The following AFDN variants were observed in gnomAD, a reference collection of about 807,000 sequenced individuals.
AFDN encodes the protein afadin.
Under a neutral mutation model 216.6 loss-of-function variants are expected in AFDN, and 68 were observed. That is an observed-to-expected ratio of 0.31 (90% confidence interval 0.26 to 0.38). AFDN has a LOEUF of 0.38. Among genes scored for constraint, AFDN ranks in the 10% least tolerant of loss-of-function variants. The probability of loss-of-function intolerance (pLI) is 1.00; values close to 1 mark genes in which losing one functional copy is unlikely to be tolerated. For missense variants in AFDN, 2,136 were observed against 2,342.0 expected, an observed-to-expected ratio of 0.91 and a Z score of 1.82; for synonymous variants, 868 against 853.7, an observed-to-expected ratio of 1.02 and a Z score of -0.29.
chr6:167,891,402 GGGGTGGGTGTGT>G (rs1787556436), intron 8 of AFDN, among the ~76,000 whole-genome samples: 1 of 101,382 alleles, frequency 9.9e-6, no homozygotes, highest in African/African-American at 3.6e-5. Flanking sequence ...ATTTCATAAA[GGGGTGGGTGTGT>G]GTGTGTGTGT....
chr6:167,969,879 A>G lies in AFDN; in HGVS notation c.5440A>G (p.Lys1814Glu), dbSNP rs1797907735. ...TTCACAAGGTCAAGATGTATCCAAT[A>G]AAGTGAAAGCTTCTCGTAAATTAAC... ...LFSQGQDVSN[K>E]VKASRKLTEL... The change falls in exon 34 of 34, where the codon AAA (lysine) becomes GAA (glutamate). Residue 1814 changes from lysine to glutamate, a missense_variant. Physicochemically the swap from Lys to Glu is moderately conservative, Grantham distance 56. Around this residue, in one of 8 missense-constraint regions of AFDN, gnomAD observed 981 missense variants for 966.0 expected, o/e 1.02. Coordinates refer to ENST00000683244, the MANE Select transcript of AFDN (RefSeq NM_001386888.1). 3.7e-6 allele frequency: 6 copies of G among 1,612,686 alleles called. No individual in the cohort carries two copies. Among genetic ancestry groups the G allele is most frequent in the Non-Finnish European group, 5.1e-6 (6 of 1,179,554 alleles).
chr6:167,947,989 C>T (rs2128662378), intron 28 of AFDN, 45 bp downstream of exon 28: 1 of 1,421,232 alleles, frequency 7.0e-7, no homozygotes, highest in Non-Finnish European at 9.9e-7. Context: ...CATTTCCATC[C>T]TTAGGGTTCC....
At chr6:167,837,885 A>G (rs1489487271) in intron 1 of AFDN, among the ~76,000 whole-genome samples, 1 of 152,184 alleles carries the variant, frequency 6.6e-6, no homozygotes. Context: ...CAAGTAGAAA[A>G]TTTGGAATGT....
In AFDN at chr6:167,889,245, G is replaced by C; in HGVS notation, c.928G>C (p.Asp310His). Residue 310 changes from aspartate (D) to histidine (H), a missense_variant, in exon 7 of 34, where the codon GAT (aspartate) becomes CAT (histidine). Asp to His is a moderately conservative substitution (Grantham distance 81). Around this residue, in one of 8 missense-constraint regions of AFDN, gnomAD observed 817 missense variants for 965.7 expected, o/e 0.85. Transcript: ENST00000683244. ...GCTTCCTCCTGGAGCCCAGCATTCT[G>C]ATGAAAAGGGTGCTAAAGAAATTAT... ...VMLPPGAQHSDEKGAKEIILD... is the reference protein window; with the variant it reads ...VMLPPGAQHSHEKGAKEIILD... 6.2e-7 allele frequency: 1 copy of C among 1,613,944 alleles called. No homozygotes were observed. Among genetic ancestry groups the C allele is most frequent in the Non-Finnish European group, 8.5e-7 (1 of 1,179,926 alleles).
intron 12 of AFDN, among the ~76,000 whole-genome samples, chr6:167,905,978 G>A (rs1045273186): frequency 1.5e-4 from 23 of 152,122 alleles, no homozygotes; most frequent in Admixed American, 1.2e-3. Context: ...GGTGGCGGGC[G>A]CCTGTAGCCC....
chr6:167,917,970 A>G (rs1791309763), intron 20 of AFDN, among the ~76,000 whole-genome samples: 1 of 152,242 alleles, frequency 6.6e-6, no homozygotes, highest in South Asian at 2.1e-4. Context: ...ATATGCTTCT[A>G]TCTGTGTACA....
In AFDN at chr6:167,911,469, A is replaced by C. The variant is rs1200254399; in HGVS notation, c.2017A>C (p.Met673Leu). 1 of 1,614,068 alleles carries C rather than the reference A, an allele frequency of 6.2e-7. No individual in the cohort carries two copies. The highest frequency in any genetic ancestry group is 1.3e-5 in the African/African-American group (1 of 74,936). The part of the protein sequence containing the change: ...VIAVVNKMVS[M>L]MEGVIQEVDQ... Reference sequence around the variant, plus strand: ...TGCAGTCGTCAACAAGATGGTGAGCATGATGGAGGGTGTCATCCAGGTACG... The same window carrying C: ...TGCAGTCGTCAACAAGATGGTGAGCCTGATGGAGGGTGTCATCCAGGTACG... Residue 673 changes from methionine (M) to leucine (L), a missense_variant, in exon 15 of 34, where the codon ATG becomes CTG. Physicochemically the swap from Met to Leu is conservative, Grantham distance 15. Transcript: ENST00000683244.
chr6:167,835,195 G>A (rs1226767540), intron 1 of AFDN, among the ~76,000 whole-genome samples: 1 of 152,144 alleles, frequency 6.6e-6, no homozygotes, highest in Non-Finnish European at 1.5e-5. Context: ...TAAGTATAGG[G>A]AAGCTCTCAA....
chr6:167,860,935 C>T (rs1200878745), intron 1 of AFDN, among the ~76,000 whole-genome samples: 1 of 152,174 alleles, frequency 6.6e-6, no homozygotes, highest in Non-Finnish European at 1.5e-5. Flanking sequence ...GTTGTAAGAT[C>T]AGAGAAAAAT....
intron 1 of AFDN, among the ~76,000 whole-genome samples, chr6:167,842,725 A>G (rs1781211130): frequency 6.6e-6 from 1 of 152,168 alleles, no homozygotes; most frequent in Non-Finnish European, 1.5e-5. Flanking sequence ...GCATATTTCT[A>G]GGTGAAGTAA....
upstream of AFDN, chr6:167,826,752 G>A (rs1329438093): frequency 1.6e-5 from 6 of 367,846 alleles, no homozygotes; most frequent in South Asian, 1.2e-4. Context: ...CCCGCCCTCC[G>A]ACACCTCCCT....
intron 26 of AFDN, 65 bp from the exon 27 acceptor site, chr6:167,946,642 T>C: frequency 7.1e-7 from 1 of 1,400,562 alleles, no homozygotes; most frequent in Non-Finnish European, 1.0e-6. Context: ...TCTTATGGAA[T>C]TTTAATGATA....
intron 21 of AFDN, among the ~76,000 whole-genome samples, chr6:167,922,299 A>C (rs1469186020): frequency 6.6e-6 from 1 of 152,208 alleles, no homozygotes; most frequent in East Asian, 1.9e-4. Context: ...AATGATTCTG[A>C]ACTTTATTTG....
At chr6:167,862,956 A>G (rs559793573) in intron 1 of AFDN, among the ~76,000 whole-genome samples, 1 of 152,156 alleles carries the variant, frequency 6.6e-6, no homozygotes, top group Non-Finnish European at 1.5e-5. Flanking sequence ...TTCTCTTGGT[A>G]TAGTGGGTAA....
rs1173480309 is a variant in AFDN, at chr6:167,968,069, G to T, written c.5258-1045G>T. On this transcript the variant is annotated intron_variant, in intron 32 of 33. Coordinates refer to ENST00000683244, the MANE Select transcript of AFDN (RefSeq NM_001386888.1). ...GTATTTGATACTCTTAAGTCTAAAA[G>T]TTCCGAAAATTCAGAAGAATTAGTT... Among the ~76,000 whole-genome samples, 6 of 152,262 alleles carry T rather than the reference G, an allele frequency of 3.9e-5. No homozygotes were observed. The East Asian group carries it at 1.2e-3, about 29-fold the overall frequency.
chr6:167,937,238 C>T (rs2300797), intron 23 of AFDN, among the ~76,000 whole-genome samples: 44,404 of 152,070 alleles, frequency 0.29, 7,364 homozygotes, highest in East Asian at 0.6. Context: ...TATCTAGATC[C>T]GTATTCTTTA....
At chr6:167,937,649 GA>G (rs1236381257) in intron 23 of AFDN, among the ~76,000 whole-genome samples, 3 of 152,200 alleles carry the variant, frequency 2.0e-5, no homozygotes, top group African/African-American at 7.2e-5. Context: ...TTAGAATTCA[GA>G]TAAATTCTGA....
At chr6:167,830,059 ATGCTAAGC>A (rs1779655436) in intron 1 of AFDN, among the ~76,000 whole-genome samples, 2 of 152,230 alleles carry the variant, frequency 1.3e-5, no homozygotes, top group African/African-American at 4.8e-5. Flanking sequence ...CAGGAGATTG[ATGCTAAGC>A]TGACTTAATG....
At chr6:167,900,348 T>C (rs1343438653) in intron 11 of AFDN, among the ~76,000 whole-genome samples, 1 of 152,206 alleles carries the variant, frequency 6.6e-6, no homozygotes, top group East Asian at 1.9e-4. Context: ...ATTGATAGTT[T>C]GGGAATTTTA....
Sources: gnomAD v4.1 joint callset for allele counts (sites outside exome capture counted in the v4.1 genomes callset) on GRCh38, gnomAD v4.1.1 for gene constraint, gnomAD v4.1.1 regional missense constraint, MANE v1.5 for transcripts, NCBI Gene and HGNC (gene_info 2026-07-23, HGNC 2026-07-21) for gene names.